Variants in URB1 observed in about 807,000 individuals in gnomAD.
URB1 encodes the protein nucleolar pre-ribosomal-associated protein 1.
A neutral mutation model predicts 242.3 loss-of-function variants in URB1; 197 were observed. The observed-to-expected ratio is 0.81, with a 90% CI of 0.72 to 0.91. The LOEUF (loss-of-function observed/expected upper bound fraction) is 0.91, where lower values mean the gene tolerates loss of function less well. Ranked by LOEUF, URB1 falls within the 40% of genes least tolerant of loss-of-function variation. URB1 has a pLI of 0.00. For synonymous variants in URB1, 1,153 were observed against 1,201.8 expected (o/e 0.96, Z 0.84); for missense variants, 2,721 against 2,860.5 (o/e 0.95, Z 1.11).
chr21:32,337,914 C>T (rs1334719612), intron 26 of URB1, among the ~76,000 whole-genome samples: 2 of 152,102 alleles, frequency 1.3e-5, no homozygotes, highest in Non-Finnish European at 2.9e-5. Flanking sequence ...CATTCCCCCT[C>T]CCAAATGTTA....
chr21:32,343,383 C>T (rs1439153246), intron 24 of URB1, among the ~76,000 whole-genome samples: 2 of 152,154 alleles, frequency 1.3e-5, no homozygotes, highest in Admixed American at 1.3e-4. Flanking sequence ...ATCTGGAAAG[C>T]ATCACTGAAC....
chr21:32,379,038 T>C (rs1042228660), intron 4 of URB1, among the ~76,000 whole-genome samples: 19 of 152,254 alleles, frequency 1.2e-4, no homozygotes, highest in African/African-American at 4.6e-4. Flanking sequence ...TATTAGCTCA[T>C]ACCACAAACC....
chr21:32,323,240 T>C (rs1417122212), intron 32 of URB1, among the ~76,000 whole-genome samples: 1 of 152,170 alleles, frequency 6.6e-6, no homozygotes, highest in African/African-American at 2.4e-5. Flanking sequence ...ATCCATGGAA[T>C]AAAATGAAAT....
Position 32,368,383 on chromosome 21 carries a change from T to C in URB1, c.1197+20A>G, listed in dbSNP as rs2033369210. On this transcript the variant is annotated intron_variant, in intron 9 of 38. Transcript: ENST00000382751. ...ACGCCCAGCTTAGCTAACAGACTTTTAAATATCATGTTTTTTTACCTTGTT... is the reference window on the plus strand; with the variant it reads ...ACGCCCAGCTTAGCTAACAGACTTTCAAATATCATGTTTTTTTACCTTGTT... 2.0e-6 allele frequency: 3 copies of C among 1,517,638 alleles called. No homozygotes were observed. The highest frequency in any genetic ancestry group is 4.9e-5 in the East Asian group (2 of 40,504). The allele number at this position is 1,517,638 out of a possible 1,614,324, so 94.0% of individuals were successfully genotyped here.
intron 29 of URB1, among the ~76,000 whole-genome samples, chr21:32,333,888 T>C (rs80012847): frequency 6.6e-6 from 1 of 152,336 alleles, no homozygotes; most frequent in East Asian, 1.9e-4. Context: ...GCAGTGCTTG[T>C]ACATGAAATG....
At chr21:32,319,073 T>G in intron 36 of URB1, 144 bp downstream of exon 36, 1 of 708,264 alleles carries the variant, frequency 1.4e-6, no homozygotes, top group Non-Finnish European at 2.2e-6. Context: ...CACCTGACAC[T>G]GGTGCTCTGC....
chr21:32,311,588 G>A lies in URB1; in HGVS notation c.*3330C>T. The A allele has an allele frequency of 1.3e-6, 2 of 1,527,000 alleles. No homozygotes were observed. The highest frequency in any genetic ancestry group is 2.6e-5 in the South Asian group (2 of 77,618). 94.6% of individuals were successfully genotyped at this position (1,527,000 alleles called of 1,614,324 possible). A position where few individuals can be genotyped will look rare whatever the true frequency, so the allele number is the denominator to read the frequency against. On this transcript the variant is annotated 3_prime_UTR_variant, in exon 39 of 39. Coordinates refer to ENST00000382751, the MANE Select transcript of URB1 (RefSeq NM_014825.3). ...GTGTGGCCTTCCCTATGGGGTCCGGGCAGATGGCAGGTGTGGCAGGAAACC... is the reference window on the plus strand; with the variant it reads ...GTGTGGCCTTCCCTATGGGGTCCGGACAGATGGCAGGTGTGGCAGGAAACC...
At chr21:32,317,635 A>G (rs2032707773) in intron 37 of URB1, 41 bp downstream of exon 37, 7 of 1,545,032 alleles carry the variant, frequency 4.5e-6, no homozygotes, top group African/African-American at 1.4e-5. Context: ...TGAGAGAGAC[A>G]TGTTGGCTAC....
intron 18 of URB1, 78 bp downstream of exon 18, chr21:32,353,855 C>A (rs968725526): frequency 6.9e-6 from 10 of 1,445,490 alleles, no homozygotes; most frequent in Non-Finnish European, 9.2e-6. Flanking sequence ...GATCCCAGAG[C>A]CCCTGGAATC....
chr21:32,347,196 G>A lies in URB1; in HGVS notation c.3628C>T (p.Leu1210=). The change falls in exon 22 of 39, where the codon CTG becomes TTG. Residue 1210 remains leucine (L), a synonymous_variant. Coordinates refer to ENST00000382751, the MANE Select transcript of URB1 (RefSeq NM_014825.3). ...AGATCAGCCCCGACTGCGGGGGCCA[G>A]CACAGGGTCTCTCTGCAGAGTGTGG... is the stretch of plus-strand genomic sequence containing the variant. ...LLHTLQRDPV[L]APAVGADLLD... The A allele has an allele frequency of 6.5e-7, 1 of 1,550,108 alleles. No homozygotes were observed.
At chr21:32,349,955 C>A (rs770769925) in intron 20 of URB1, among the ~76,000 whole-genome samples, 1 of 151,566 alleles carries the variant, frequency 6.6e-6, no homozygotes, top group Non-Finnish European at 1.5e-5. Flanking sequence ...ATTAGCCAGG[C>A]GTGTTGGTGT....
intron 15 of URB1, among the ~76,000 whole-genome samples, chr21:32,356,380 A>T (rs887273110): frequency 6.6e-6 from 1 of 152,200 alleles, no homozygotes; most frequent in African/African-American, 2.4e-5. Context: ...TGACAGAGCG[A>T]GAGCCTGTCT....
At chr21:32,383,605 A>G in intron 3 of URB1, 51 bp from the exon 4 acceptor site, 1 of 1,492,210 alleles carries the variant, frequency 6.7e-7, no homozygotes, top group Non-Finnish European at 9.0e-7. Context: ...GCAGAAGCAC[A>G]GAGCCGCCTC....
At chr21:32,376,721 T>C (rs1006640587) in intron 5 of URB1, among the ~76,000 whole-genome samples, 1 of 152,200 alleles carries the variant, frequency 6.6e-6, no homozygotes, top group African/African-American at 2.4e-5. Flanking sequence ...TACTGCAGCC[T>C]TGACATCCCA....
In URB1 at chr21:32,316,514, C is replaced by T; in HGVS notation, c.6586G>A (p.Glu2196Lys). 2.6e-5 allele frequency: 40 copies of T among 1,547,974 alleles called. No homozygotes were observed. Among genetic ancestry groups the T allele is most frequent in the Non-Finnish European group, 3.5e-5 (40 of 1,145,390 alleles). ...CTCAGAGAAGACAGGGAGAGGGCTT[C>T]CATGGCCGGGTGGAAGGGGCTCCCT... ...RAGSPFHPAM[E>K]ALSLSSLSEK... The change falls in exon 38 of 39, where the codon GAA becomes AAA. Residue 2196 changes from glutamate (E) to lysine (K), a missense_variant. Coordinates refer to ENST00000382751, the MANE Select transcript of URB1 (RefSeq NM_014825.3).
chr21:32,377,170 T>A (rs1035450859), intron 5 of URB1: 4 of 516,592 alleles, frequency 7.7e-6, no homozygotes, highest in Admixed American at 3.9e-5. Flanking sequence ...AAAGTTTTTT[T>A]ATCTTTTTTC....
rs768348614 is a variant in URB1, at chr21:32,325,243, G to C, written c.5107C>G (p.Gln1703Glu). ...YYSHLEGARF[Q>E]EQSQLLYLLD... is the part of the protein sequence containing the mutation. Reference sequence around the variant, plus strand: ...TTCCTACTTACCTGGGACTGCTCTTGGAACCGTGCGCCCTCCAAGTGCGAG... The same window carrying C: ...TTCCTACTTACCTGGGACTGCTCTTCGAACCGTGCGCCCTCCAAGTGCGAG... The change falls in exon 31 of 39, where the codon CAA becomes GAA. Residue 1703 changes from glutamine (Q) to glutamate (E), a missense_variant. By Grantham distance (29) the Gln-to-Glu change is conservative. Transcript: ENST00000382751. 7.7e-6 allele frequency: 12 copies of C among 1,551,238 alleles called. No individual in the cohort carries two copies. The South Asian group carries it at 1.4e-4, about 18-fold the overall frequency.
At position 32,382,719 on chromosome 21, in the gene URB1, CA is replaced by C. The variant is rs1342635131; in HGVS notation, c.567+702del. Among the ~76,000 whole-genome samples, 4 of 152,150 alleles carry C rather than the reference CA, an allele frequency of 2.6e-5. No individual in the cohort carries two copies. The East Asian group carries it at 7.8e-4, about 30-fold the overall frequency. ...CCAGCAGGGGAGCTGATATGGCAACCAGAAGAGGCCCTACGACAGACAACCT... is the reference window on the plus strand; with the variant it reads ...CCAGCAGGGGAGCTGATATGGCAACCGAAGAGGCCCTACGACAGACAACCT... On this transcript the variant is annotated intron_variant, in intron 4 of 38. Coordinates refer to ENST00000382751, the MANE Select transcript of URB1 (RefSeq NM_014825.3).
In URB1 at chr21:32,368,256, A is replaced by C. The variant is rs2033367576; in HGVS notation, c.1197+147T>G. 3 of 618,074 alleles carry C rather than the reference A, an allele frequency of 4.9e-6. No individual in the cohort carries two copies. The Admixed American group carries it at 1.1e-4, about 22-fold the overall frequency. The allele number at this position is 618,074 out of a possible 1,614,324, so 38.3% of individuals were successfully genotyped here. ...TTAATTTTTGTATTTTTAGTAAGAG[A>C]CAGGTTTCGTCACGTTGGCCAGGCT... is the stretch of plus-strand genomic sequence containing the variant. On this transcript the variant is annotated intron_variant, in intron 9 of 38. Coordinates refer to ENST00000382751, the MANE Select transcript of URB1 (RefSeq NM_014825.3).
Sources: allele counts gnomAD v4.1 joint callset (sites outside exome capture counted in the v4.1 genomes callset), GRCh38; gene constraint gnomAD v4.1.1; transcripts MANE v1.5; gene names NCBI Gene and HGNC (gene_info 2026-07-23, HGNC 2026-07-21).